ILRUN: variants seen among roughly 807,000 people sequenced by gnomAD.
ILRUN encodes the protein inflammation and lipid regulator with UBA-like and NBR1-like domains, also known as protein ILRUN.
ILRUN carries 3 observed loss-of-function variants against 33.8 expected under a neutral mutation model. The observed-to-expected ratio is 0.09, with a 90% CI of 0.04 to 0.23. ILRUN has a LOEUF of 0.23. ILRUN is among the 10% of genes least tolerant of loss of function. The probability of loss-of-function intolerance (pLI) is 1.00; values close to 1 mark genes in which losing one functional copy is unlikely to be tolerated. For synonymous variants in ILRUN, 124 were observed against 138.9 expected, an observed-to-expected ratio of 0.89 and a Z score of 0.75; for missense variants, 210 against 375.1, an observed-to-expected ratio of 0.56 and a Z score of 3.64.
At chr6:34,612,790 C>A (rs1294113075) in intron 3 of ILRUN, among the ~76,000 whole-genome samples, 2 of 152,108 alleles carry the variant, frequency 1.3e-5, no homozygotes, top group Admixed American at 6.5e-5. Context: ...CGCCTGCAAT[C>A]CCAGCATTTT....
chr6:34,696,663 G>A lies in ILRUN; in HGVS notation c.-60C>T. 6.4e-7 allele frequency: 1 copy of A among 1,559,510 alleles called. No homozygotes were observed. The highest frequency in any genetic ancestry group is 8.6e-7 in the Non-Finnish European group (1 of 1,156,860). The stretch of plus-strand genomic sequence containing the variant: ...ACAACCAAGCCGCCGCCGCGCCGCC[G>A]GGCCCGGGGACCTGGAGGGGGGCCG... On this transcript the variant is annotated 5_prime_UTR_variant, in exon 1 of 5. Transcript: ENST00000374023.
chr6:34,693,566 A>T (rs762242905), intron 1 of ILRUN, among the ~76,000 whole-genome samples: 1 of 152,112 alleles, frequency 6.6e-6, no homozygotes, highest in Non-Finnish European at 1.5e-5. Flanking sequence ...CATATATGTA[A>T]CTTGTTTTTA....
At chr6:34,623,981 G>C (rs1762062628) in intron 3 of ILRUN, among the ~76,000 whole-genome samples, 1 of 151,870 alleles carries the variant, frequency 6.6e-6, no homozygotes, top group Non-Finnish European at 1.5e-5. Context: ...ACAGGTGCCT[G>C]TCACCACGCC....
At chr6:34,633,509 C>T (rs754710455) in intron 3 of ILRUN, among the ~76,000 whole-genome samples, 51 of 151,962 alleles carry the variant, frequency 3.4e-4, no homozygotes, top group Non-Finnish European at 5.3e-4. Flanking sequence ...GAATATTCAC[C>T]AAGATAGACA....
At chr6:34,615,863 A>C (rs1582047107) in intron 3 of ILRUN, among the ~76,000 whole-genome samples, 1 of 152,190 alleles carries the variant, frequency 6.6e-6, no homozygotes, top group African/African-American at 2.4e-5. Flanking sequence ...TCTTCAAACT[A>C]GGGTTACATC....
intron 3 of ILRUN, among the ~76,000 whole-genome samples, chr6:34,637,846 C>T (rs143876167): frequency 1.0e-4 from 12 of 117,130 alleles, no homozygotes; most frequent in Non-Finnish European, 1.7e-4. Context: ...GTTGTTGTTG[C>T]TGCTGCTGCT....
At chr6:34,674,317 G>A (rs957990235) in intron 1 of ILRUN, among the ~76,000 whole-genome samples, 3 of 152,162 alleles carry the variant, frequency 2.0e-5, no homozygotes, top group Non-Finnish European at 4.4e-5. Context: ...GTGAGCCACC[G>A]CGCCCGGCCC....
At chr6:34,628,346 C>G (rs1388996194) in intron 3 of ILRUN, among the ~76,000 whole-genome samples, 1 of 149,970 alleles carries the variant, frequency 6.7e-6, no homozygotes, top group Non-Finnish European at 1.5e-5. Flanking sequence ...TTTTTTGAGA[C>G]GGAGTCTCAC....
At chr6:34,651,690 A>G (rs968458640) in intron 2 of ILRUN, among the ~76,000 whole-genome samples, 9 of 151,356 alleles carry the variant, frequency 5.9e-5, no homozygotes, top group African/African-American at 2.2e-4. Flanking sequence ...ATAAACAAAT[A>G]AAACTTGAAT....
At chr6:34,624,709 C>CT (rs1762079744) in intron 3 of ILRUN, among the ~76,000 whole-genome samples, 1 of 152,172 alleles carries the variant, frequency 6.6e-6, no homozygotes. Flanking sequence ...CCAAGGTGAG[C>CT]TTTAACTTCT....
intron 3 of ILRUN, among the ~76,000 whole-genome samples, chr6:34,624,752 G>A (rs1261514671): frequency 2.0e-5 from 3 of 152,124 alleles, no homozygotes; most frequent in Non-Finnish European, 4.4e-5. Flanking sequence ...GAACAATTAA[G>A]AACAAAATAA....
intron 2 of ILRUN, among the ~76,000 whole-genome samples, chr6:34,652,184 T>C (rs1264748978): frequency 6.6e-6 from 1 of 152,130 alleles, no homozygotes; most frequent in Non-Finnish European, 1.5e-5. Flanking sequence ...AGAAACTGTC[T>C]TGATATTTTT....
chr6:34,650,743 C>T (rs947671534), intron 2 of ILRUN, among the ~76,000 whole-genome samples: 10 of 152,166 alleles, frequency 6.6e-5, no homozygotes, highest in Non-Finnish European at 1.3e-4. Context: ...GAGCTATCTA[C>T]CACGCCTGGC....
chr6:34,618,918 G>A (rs539451103), intron 3 of ILRUN, among the ~76,000 whole-genome samples: 1 of 152,190 alleles, frequency 6.6e-6, no homozygotes, highest in Non-Finnish European at 1.5e-5. Context: ...GGAGTCTATG[G>A]TGCTCTAGAA....
In ILRUN at chr6:34,592,837, C is replaced by CAT; in HGVS notation, c.862-2238_862-2237insAT. On this transcript the variant is annotated intron_variant, in intron 4 of 4. Coordinates refer to ENST00000374023, the MANE Select transcript of ILRUN (RefSeq NM_024294.4). This position sits in a 1 kb window ranked among gnomAD's most constrained non-coding sequence, Gnocchi z 4.0. ...ATTCCCTTAAGGTTTAGAACCAATA[C>CAT]AATGCTCAAAGGTCTCTGTGCAGGA... is the stretch of plus-strand genomic sequence containing the variant. Among the ~76,000 whole-genome samples the CAT allele has an allele frequency of 6.6e-6, 1 of 152,170 alleles. No individual in the cohort carries two copies. Among genetic ancestry groups the CAT allele is most frequent in the Middle Eastern group, 3.4e-3 (1 of 294 alleles).
chr6:34,623,344 G>T (rs1442353250), intron 3 of ILRUN, among the ~76,000 whole-genome samples: 1 of 152,198 alleles, frequency 6.6e-6, no homozygotes, highest in Non-Finnish European at 1.5e-5. Context: ...TTAGAAGTCA[G>T]ATCTTTTTTA....
chr6:34,682,919 TA>T (rs895461900), intron 1 of ILRUN, among the ~76,000 whole-genome samples: 37 of 147,398 alleles, frequency 2.5e-4, no homozygotes, highest in African/African-American at 7.2e-4. Flanking sequence ...AAAATAAAGT[TA>T]AAAAAAAAAT....
At chr6:34,601,702 C>G (rs1437809076) in intron 4 of ILRUN, among the ~76,000 whole-genome samples, 1 of 122,714 alleles carries the variant, frequency 8.1e-6, no homozygotes, top group South Asian at 2.3e-4. Flanking sequence ...TCCTCCAGTA[C>G]CCGCCCCCCC....
intron 4 of ILRUN, among the ~76,000 whole-genome samples, chr6:34,606,337 T>C (rs957859206): frequency 6.6e-5 from 10 of 152,180 alleles, no homozygotes; most frequent in South Asian, 2.1e-4. Flanking sequence ...GAGTAAATTA[T>C]AAATGTGGAT....
Sources: allele counts gnomAD v4.1 joint callset (sites outside exome capture counted in the v4.1 genomes callset), GRCh38; gene constraint gnomAD v4.1.1; non-coding constraint Gnocchi (gnomAD v3.1); transcripts MANE v1.5; gene names NCBI Gene and HGNC (gene_info 2026-07-23, HGNC 2026-07-21).